The following CELF4 variants were observed in gnomAD, a reference collection of about 807,000 sequenced individuals.
CELF4 encodes the protein CUG-BP- and ETR-3-like factor 4.
Under a neutral mutation model 59.9 loss-of-function variants are expected in CELF4, and 18 were observed. That is an observed-to-expected ratio of 0.30 (90% confidence interval 0.21 to 0.45). The LOEUF is 0.45. Among genes scored for constraint, CELF4 ranks in the 20% least tolerant of loss-of-function variants. The probability of loss-of-function intolerance (pLI) is 1.00; values close to 1 mark genes in which losing one functional copy is unlikely to be tolerated. For missense variants in CELF4, 456 were observed against 689.0 expected (o/e 0.66, Z 3.79); for synonymous variants, 261 against 267.1 (o/e 0.98, Z 0.22).
intron 2 of CELF4, among the ~76,000 whole-genome samples, chr18:37,476,063 T>A (rs1035414532): frequency 6.6e-6 from 1 of 152,242 alleles, no homozygotes. Context: ...GGCAAAGGAC[T>A]CCGAAGGTCA....
intron 2 of CELF4, among the ~76,000 whole-genome samples, chr18:37,339,332 G>A (rs1382918313): frequency 5.3e-5 from 8 of 152,174 alleles, no homozygotes; most frequent in Non-Finnish European, 1.2e-4. Context: ...AGAAAGTGGG[G>A]GCTTGGCTTG....
chr18:37,487,080 G>T (rs1017819334), intron 1 of CELF4, among the ~76,000 whole-genome samples: 1 of 152,162 alleles, frequency 6.6e-6, no homozygotes, highest in African/African-American at 2.4e-5. Context: ...AGGCCCACAG[G>T]CTGCTGGTGC....
At chr18:37,255,024 C>T (rs1468050818) in intron 11 of CELF4, among the ~76,000 whole-genome samples, 1 of 152,150 alleles carries the variant, frequency 6.6e-6, no homozygotes. Flanking sequence ...AGTAAATGAA[C>T]CTTTATAGCT....
intron 1 of CELF4, among the ~76,000 whole-genome samples, chr18:37,493,934 C>T (rs566605517): frequency 9.8e-4 from 149 of 152,330 alleles, no homozygotes; most frequent in Non-Finnish European, 1.4e-3. Flanking sequence ...AAATGGCTCA[C>T]TGTGACTCTT....
rs556643696 is a variant in CELF4 at position 37,249,694 on chromosome 18, G to A, written c.*44+4073C>T. Among the ~76,000 whole-genome samples the A allele has an allele frequency of 3.5e-4, 53 of 152,234 alleles. 1 individual carries two copies. In the Middle Eastern group the frequency reaches 0.017, roughly 49 times the overall value. On this transcript the variant is annotated intron_variant, in intron 12 of 12. Coordinates refer to ENST00000420428, the MANE Select transcript of CELF4 (RefSeq NM_020180.4). ...GGGTGACCCCTTCCCGACCACTCTCGGGGTGGAGGCTCACAGAGCACAGCC... is the reference window on the plus strand; with the variant it reads ...GGGTGACCCCTTCCCGACCACTCTCAGGGTGGAGGCTCACAGAGCACAGCC...
intron 6 of CELF4, 97 bp downstream of exon 6, chr18:37,274,214 C>CA: frequency 6.5e-7 from 1 of 1,547,942 alleles, no homozygotes; most frequent in South Asian, 1.2e-5. Flanking sequence ...AGGGAGAGGG[C>CA]AAGGGATAGA....
intron 2 of CELF4, among the ~76,000 whole-genome samples, chr18:37,439,686 C>T (rs2099706005): frequency 6.6e-6 from 1 of 152,142 alleles, no homozygotes; most frequent in Non-Finnish European, 1.5e-5. Context: ...CCTGTCCCCC[C>T]ATATCCCTGG....
At chr18:37,316,752 G>A (rs2154512727) in intron 3 of CELF4, among the ~76,000 whole-genome samples, 1 of 152,206 alleles carries the variant, frequency 6.6e-6, no homozygotes, top group Non-Finnish European at 1.5e-5. Flanking sequence ...CATGTCTCAT[G>A]AGTAGGTCTG....
chr18:37,303,251 T>C (rs1389341456), intron 3 of CELF4, among the ~76,000 whole-genome samples: 2 of 151,974 alleles, frequency 1.3e-5, no homozygotes, highest in African/African-American at 4.8e-5. Flanking sequence ...TTGGCTCTGT[T>C]CCCTCCTCCC....
intron 2 of CELF4, among the ~76,000 whole-genome samples, chr18:37,416,353 C>A (rs1215764305): frequency 6.6e-6 from 1 of 152,136 alleles, no homozygotes; most frequent in Admixed American, 6.5e-5. Flanking sequence ...CCTGTCAGAA[C>A]CCAGCTCCTG....
intron 1 of CELF4, among the ~76,000 whole-genome samples, chr18:37,525,544 A>C (rs950447026): frequency 2.1e-5 from 3 of 142,216 alleles, no homozygotes; most frequent in African/African-American, 7.8e-5. Flanking sequence ...AACTTGAGCA[A>C]ATATTTTCAC....
At chr18:37,393,801 T>C (rs548455248) in intron 2 of CELF4, among the ~76,000 whole-genome samples, 1 of 151,630 alleles carries the variant, frequency 6.6e-6, no homozygotes, top group East Asian at 1.9e-4. Context: ...CGGAGCACAC[T>C]TGACAGCGAC....
chr18:37,515,530 C>G (rs1179813709), intron 1 of CELF4, among the ~76,000 whole-genome samples: 9 of 152,214 alleles, frequency 5.9e-5, no homozygotes. Flanking sequence ...AATGGTCACA[C>G]TCTGCTTTCT....
At chr18:37,273,812 A>G in intron 6 of CELF4, 2 of 989,562 alleles carry the variant, frequency 2.0e-6, no homozygotes, top group Non-Finnish European at 1.2e-6. Context: ...GTGGGCCCCC[A>G]TGTGGAAGAA....
intron 2 of CELF4, among the ~76,000 whole-genome samples, chr18:37,356,684 GC>G (rs1446855264): frequency 6.6e-6 from 1 of 152,256 alleles, no homozygotes; most frequent in Non-Finnish European, 1.5e-5. Flanking sequence ...CTTGACATCT[GC>G]TTTTGGCCAC....
chr18:37,475,394 A>C (rs753084259), intron 2 of CELF4, among the ~76,000 whole-genome samples: 2 of 152,204 alleles, frequency 1.3e-5, no homozygotes, highest in Non-Finnish European at 2.9e-5. Context: ...AAGACTCTGC[A>C]TTTCTAACAG....
intron 1 of CELF4, among the ~76,000 whole-genome samples, chr18:37,520,780 T>C (rs1453219956): frequency 6.6e-6 from 1 of 152,228 alleles, no homozygotes; most frequent in African/African-American, 2.4e-5. Context: ...CATATATTTC[T>C]GGGCTGTCCT....
At chr18:37,328,382 C>T (rs1255759149) in intron 2 of CELF4, among the ~76,000 whole-genome samples, 2 of 152,196 alleles carry the variant, frequency 1.3e-5, no homozygotes, top group African/African-American at 4.8e-5. Context: ...GTGACTGGCC[C>T]ATGGGATGGC....
chr18:37,242,870 C>T (rs1331138993), downstream of CELF4, among the ~76,000 whole-genome samples: 1 of 152,130 alleles, frequency 6.6e-6, no homozygotes, highest in Non-Finnish European at 1.5e-5. Flanking sequence ...ACAGGACCTC[C>T]TTTTATTGTT....
Sources: allele counts gnomAD v4.1 joint callset (sites outside exome capture counted in the v4.1 genomes callset), GRCh38; gene constraint gnomAD v4.1.1; transcripts MANE v1.5; gene names NCBI Gene and HGNC (gene_info 2026-07-23, HGNC 2026-07-21).